Variants in NLRP5 observed in about 807,000 individuals in gnomAD.
NLRP5 encodes NACHT, LRR and PYD domains-containing protein 5.
NLRP5 carries 93 observed loss-of-function variants against 113.1 expected under a neutral mutation model. That is an observed-to-expected ratio of 0.82 (90% CI 0.70 to 0.98). The LOEUF (loss-of-function observed/expected upper bound fraction) is 0.98. Ranked by LOEUF, NLRP5 falls within the 50% of genes least tolerant of loss-of-function variation. The pLI, the probability that NLRP5 is intolerant of heterozygous loss-of-function variation, is 0.00. For synonymous variants in NLRP5, 751 were observed against 600.7 expected (o/e 1.25, Z -3.66); for missense variants, 1,808 against 1,514.3 (o/e 1.19, Z -3.22).
At chr19:56,055,647 C>G (rs549379203) in intron 13 of NLRP5, among the ~76,000 whole-genome samples, 16 of 148,216 alleles carry the variant, frequency 1.1e-4, no homozygotes, top group South Asian at 4.3e-4. Context: ...CCAGGTTCAC[C>G]CCATTCTCCT....
chr19:56,007,931 G>A (rs1457854950), intron 2 of NLRP5, among the ~76,000 whole-genome samples: 1 of 130,432 alleles, frequency 7.7e-6, no homozygotes, highest in African/African-American at 3.3e-5. Flanking sequence ...GTGTGTGTGT[G>A]TGTTTGAAAC....
intron 6 of NLRP5, among the ~76,000 whole-genome samples, chr19:56,022,278 G>A (rs529003504): frequency 3.9e-5 from 6 of 152,252 alleles, no homozygotes; most frequent in African/African-American, 1.4e-4. Flanking sequence ...GAAGTACAGT[G>A]GCACAATCAC....
chr19:56,008,824 A>AC lies in NLRP5; in HGVS notation c.481dup (p.Gln161ProfsTer19). The AC allele has an allele frequency of 6.2e-7, 1 of 1,612,456 alleles. No individual in the cohort carries two copies. On this transcript the variant is annotated frameshift_variant, in exon 3 of 15. Coordinates refer to ENST00000390649, the MANE Select transcript of NLRP5 (RefSeq NM_153447.4). LOFTEE classifies it high-confidence loss of function. ...GAAGATCCTGAAGCAACGATGACTG[A>AC]CCAAGGACCAAGCAAGGAAAAAGTG...
intron 9 of NLRP5, among the ~76,000 whole-genome samples, chr19:56,034,022 G>A (rs183088726): frequency 2.4e-4 from 37 of 152,308 alleles, no homozygotes; most frequent in African/African-American, 7.9e-4. Context: ...CTCCCCGCTT[G>A]GCCTCCCAGA....
chr19:56,006,927 G>A (rs1351562964), intron 2 of NLRP5, among the ~76,000 whole-genome samples: 2 of 151,028 alleles, frequency 1.3e-5, no homozygotes, highest in African/African-American at 2.4e-5. Flanking sequence ...TTTTAGTAGA[G>A]AAGGGGTTTC....
Position 56,050,448 on chromosome 19 carries a change from C to T in NLRP5, c.2988C>T (p.Gly996=), listed in dbSNP as rs114463101. 928 of 1,613,854 alleles carry T rather than the reference C, an allele frequency of 5.8e-4. 5 individuals carry two copies. The African/African-American group carries it at 0.01, about 18-fold the overall frequency. Reference sequence around the variant, plus strand: ...ATCAGTGCCACCTGGACACGGCTGGCTGTGGTTTTCTTGCACTTGCGCTTA... The same window carrying T: ...ATCAGTGCCACCTGGACACGGCTGGTTGTGGTTTTCTTGCACTTGCGCTTA... The change falls in exon 12 of 15, where the codon GGC becomes GGT. Residue 996 remains glycine, a synonymous_variant. Coordinates refer to ENST00000390649, the MANE Select transcript of NLRP5 (RefSeq NM_153447.4).
At chr19:56,060,338 A>G (rs1169086857) in intron 14 of NLRP5, among the ~76,000 whole-genome samples, 3 of 152,102 alleles carry the variant, frequency 2.0e-5, no homozygotes, top group South Asian at 2.1e-4. Flanking sequence ...AGGGTGGGAA[A>G]TTTGCCTTGT....
At chr19:55,997,178 G>C (rs1244094075), upstream of NLRP5, among the ~76,000 whole-genome samples, 3 of 151,878 alleles carry the variant, frequency 2.0e-5, no homozygotes, top group African/African-American at 4.8e-5. Flanking sequence ...CTTTTTGATG[G>C]GGTTGTTTGT....
intron 9 of NLRP5, among the ~76,000 whole-genome samples, chr19:56,034,578 G>A (rs577252086): frequency 2.0e-5 from 3 of 152,236 alleles, no homozygotes; most frequent in South Asian, 2.1e-4. Flanking sequence ...CTCCCTAACC[G>A]CACCATTCCT....
intron 1 of NLRP5, among the ~76,000 whole-genome samples, chr19:56,002,433 G>T (rs1176446507): frequency 6.6e-6 from 1 of 151,818 alleles, no homozygotes; most frequent in Non-Finnish European, 1.5e-5. Context: ...TTAGTAACTG[G>T]TAGGAATCTA....
intron 14 of NLRP5, among the ~76,000 whole-genome samples, 163 bp from the exon 15 acceptor site, chr19:56,061,233 C>T (rs1984341039): frequency 6.6e-6 from 1 of 152,216 alleles, no homozygotes; most frequent in Non-Finnish European, 1.5e-5. Context: ...TGCCATCCTA[C>T]AAACTCAATA....
chr19:56,057,498 A>G (rs1483247132), intron 13 of NLRP5, among the ~76,000 whole-genome samples: 4 of 152,170 alleles, frequency 2.6e-5, no homozygotes, highest in Admixed American at 6.5e-5. Flanking sequence ...CCGCAAGCAC[A>G]GTGTACAGGT....
chr19:56,031,134 G>A (rs1463841865), intron 7 of NLRP5, among the ~76,000 whole-genome samples: 6 of 152,062 alleles, frequency 3.9e-5, no homozygotes, highest in African/African-American at 1.4e-4. Flanking sequence ...ATTGCCAGTG[G>A]ACGGGAGACT....
At position 56,027,616 on chromosome 19, in the gene NLRP5, C is replaced by T. The variant is rs1296758825; in HGVS notation, c.1383C>T (p.Asn461=). ...AAGGGTTGCGTGCGATCATGAACAA[C>T]CGTGAGCTGCTCGACCAGTGCCAGG... is the stretch of plus-strand genomic sequence containing the variant. Residue 461 remains asparagine, a synonymous_variant, in exon 7 of 15, where the codon AAC becomes AAT. Coordinates refer to ENST00000390649, the MANE Select transcript of NLRP5 (RefSeq NM_153447.4). 2 of 1,613,776 alleles carry T rather than the reference C, an allele frequency of 1.2e-6. No homozygotes were observed. The highest frequency in any genetic ancestry group is 1.1e-5 in the South Asian group (1 of 91,088).
intron 2 of NLRP5, among the ~76,000 whole-genome samples, chr19:56,006,865 G>A (rs990906288): frequency 1.3e-5 from 2 of 151,572 alleles, no homozygotes; most frequent in Admixed American, 6.6e-5. Context: ...TCAGCCTCCT[G>A]AGTAGCTGAG....
intron 2 of NLRP5, among the ~76,000 whole-genome samples, chr19:56,007,062 G>A (rs1981949578): frequency 6.7e-6 from 1 of 149,700 alleles, no homozygotes. Flanking sequence ...TTTAAAAATT[G>A]TATATAAAAA....
rs1408416450 is a variant in NLRP5 at position 56,061,572 on chromosome 19, C to G, written c.*44C>G. ...CACTCACACCCATCTGATGGAGGAA[C>G]TTTAAACGCTGTTTTCTCAGAGCAA... On this transcript the variant is annotated 3_prime_UTR_variant, in exon 15 of 15. Coordinates refer to ENST00000390649, the MANE Select transcript of NLRP5 (RefSeq NM_153447.4). The G allele has an allele frequency of 1.9e-6, 3 of 1,608,724 alleles. No homozygotes were observed. Among genetic ancestry groups the G allele is most frequent in the Non-Finnish European group, 8.5e-7 (1 of 1,176,454 alleles).
Position 56,027,276 on chromosome 19 carries a change from C to CG in NLRP5, c.1045dup (p.Glu349GlyfsTer14). Reference sequence around the variant, plus strand: ...TGGCCAGACTCCCAGGCTCCGGTGACGGAGATCATGTCCCGACCAGAAAGG... The same window carrying CG: ...TGGCCAGACTCCCAGGCTCCGGTGACGGGAGATCATGTCCCGACCAGAAAGG... On this transcript the variant is annotated frameshift_variant, in exon 7 of 15. Coordinates refer to ENST00000390649, the MANE Select transcript of NLRP5 (RefSeq NM_153447.4). LOFTEE classifies it high-confidence loss of function. The CG allele has an allele frequency of 6.2e-7, 1 of 1,612,044 alleles. No homozygotes were observed. The highest frequency in any genetic ancestry group is 8.5e-7 in the Non-Finnish European group (1 of 1,179,854).
At chr19:56,001,309 C>T (rs1599874997) in intron 1 of NLRP5, among the ~76,000 whole-genome samples, 1 of 131,792 alleles carries the variant, frequency 7.6e-6, no homozygotes, top group Middle Eastern at 4.9e-3. Context: ...TGGGCAACAG[C>T]AAGACTCAGT....
Sources: allele counts gnomAD v4.1 joint callset (sites outside exome capture counted in the v4.1 genomes callset), GRCh38; gene constraint gnomAD v4.1.1; transcripts MANE v1.5; gene names NCBI Gene and HGNC (gene_info 2026-07-23, HGNC 2026-07-21).